The following CKAP5 variants were observed in gnomAD, a reference collection of about 807,000 sequenced individuals.
CKAP5 encodes the protein cytoskeleton associated protein 5, also known as cytoskeleton-associated protein 5.
In CKAP5, 27 loss-of-function variants were observed where a neutral mutation model predicts 232.8. That is an observed-to-expected ratio of 0.12 (90% CI 0.09 to 0.16). CKAP5 has a LOEUF of 0.16. Among genes scored for constraint, CKAP5 ranks in the 10% least tolerant of loss-of-function variants. The probability of loss-of-function intolerance (pLI) is 1.00; values close to 1 mark genes in which losing one functional copy is unlikely to be tolerated. For synonymous variants in CKAP5, 785 were observed against 841.1 expected, an observed-to-expected ratio of 0.93 and a Z score of 1.16; for missense variants, 1,838 against 2,424.7, an observed-to-expected ratio of 0.76 and a Z score of 5.08.
chr11:46,801,772 C>A (rs1427850049), intron 8 of CKAP5, among the ~76,000 whole-genome samples: 1 of 152,074 alleles, frequency 6.6e-6, no homozygotes, highest in African/African-American at 2.4e-5. Context: ...AATTTGGGAG[C>A]TTCCCTTCAT....
At chr11:46,825,753 T>TA (rs201623764) in intron 1 of CKAP5, among the ~76,000 whole-genome samples, 14,995 of 132,634 alleles carry the variant, frequency 0.11, 868 homozygotes, top group Middle Eastern at 0.16. Flanking sequence ...GATAGGCTCA[T>TA]AAAAAAAAAA....
intron 13 of CKAP5, among the ~76,000 whole-genome samples, chr11:46,791,673 C>T (rs1938727192): frequency 1.3e-5 from 2 of 151,896 alleles, no homozygotes; most frequent in African/African-American, 4.8e-5. Context: ...GACCCTGTCT[C>T]AAAATAAATA....
intron 1 of CKAP5, among the ~76,000 whole-genome samples, chr11:46,831,941 T>C (rs1565758130): frequency 6.8e-6 from 1 of 147,314 alleles, no homozygotes; most frequent in Admixed American, 7.0e-5. Context: ...CATGGCTCAC[T>C]GCAGCCTCGA....
At chr11:46,763,243 C>T in intron 29 of CKAP5, 64 bp from the exon 30 acceptor site, 2 of 1,323,116 alleles carry the variant, frequency 1.5e-6, no homozygotes, top group Non-Finnish European at 2.1e-6. Flanking sequence ...TTCTACTAGG[C>T]AAGTGTCTTT....
chr11:46,827,942 C>T (rs1414823601), intron 1 of CKAP5, among the ~76,000 whole-genome samples: 2 of 152,122 alleles, frequency 1.3e-5, no homozygotes, highest in African/African-American at 4.8e-5. Context: ...TTTTGTGTCT[C>T]CCATCATACC....
chr11:46,747,244 A>G (rs2065029094), intron 42 of CKAP5, among the ~76,000 whole-genome samples: 1 of 152,132 alleles, frequency 6.6e-6, no homozygotes, highest in Non-Finnish European at 1.5e-5. Context: ...AATAAATACT[A>G]CATTATATAG....
At chr11:46,820,899 T>C in intron 2 of CKAP5, 1 of 371,448 alleles carries the variant, frequency 2.7e-6, no homozygotes, top group Non-Finnish European at 4.9e-6. Flanking sequence ...TTGTACTGTA[T>C]ATACAAGGAG....
chr11:46,837,322 T>C (rs994545450), intron 1 of CKAP5, among the ~76,000 whole-genome samples: 6 of 151,270 alleles, frequency 4.0e-5, no homozygotes, highest in African/African-American at 1.5e-4. Flanking sequence ...GGAACTCATG[T>C]TTTTCCCCCC....
chr11:46,754,006 GT>G (rs962091128), intron 36 of CKAP5, among the ~76,000 whole-genome samples: 7 of 147,096 alleles, frequency 4.8e-5, no homozygotes, highest in Non-Finnish European at 1.1e-4. Flanking sequence ...GAAATTTTTT[GT>G]TTTTTTTTTG....
At chr11:46,809,596 G>C (rs1939231580) in intron 6 of CKAP5, 96 bp from the exon 7 acceptor site, 2 of 1,313,566 alleles carry the variant, frequency 1.5e-6, no homozygotes, top group African/African-American at 1.5e-5. Flanking sequence ...AATTTTAATA[G>C]AGAAGGGACC....
rs1400223497 is a variant in CKAP5, at chr11:46,788,785, A to G, written c.1876-12T>C. The stretch of plus-strand genomic sequence containing the variant: ...ATTAGCTCAACAGCCTTGAAGTAAA[A>G]TAAGAGAATAAGAGTTTAAGGGTTA... On this transcript the variant is annotated splice_polypyrimidine_tract_variant and intron_variant, in intron 15 of 43. Transcript: ENST00000529230. 4 of 1,560,084 alleles carry G rather than the reference A, an allele frequency of 2.6e-6. No individual in the cohort carries two copies. Among genetic ancestry groups the G allele is most frequent in the African/African-American group, 2.7e-5 (2 of 72,994 alleles).
At chr11:46,844,415 AAAAC>A (rs530778276) in intron 1 of CKAP5, among the ~76,000 whole-genome samples, 175 of 152,262 alleles carry the variant, frequency 1.1e-3, no homozygotes, top group Non-Finnish European at 2.1e-3. Context: ...GTGAAGGTAA[AAAAC>A]AAACAAACAA....
chr11:46,799,163 A>ATT (rs375825418), intron 9 of CKAP5, among the ~76,000 whole-genome samples: 1 of 147,166 alleles, frequency 6.8e-6, no homozygotes. Context: ...CACACCTGCT[A>ATT]TTTTTTTTTT....
At chr11:46,780,389 G>C (rs1220781517) in intron 19 of CKAP5, 39 bp downstream of exon 19, 47 of 1,613,334 alleles carry the variant, frequency 2.9e-5, no homozygotes, top group Non-Finnish European at 4.0e-5. Flanking sequence ...AATCCACAAA[G>C]ATGGCAATAC....
chr11:46,743,943 C>A lies in CKAP5; in HGVS notation c.*80G>T. The stretch of plus-strand genomic sequence containing the variant: ...ATACAACCAGTTTGTATACACTAGG[C>A]CTGCTGAGGCCATTTTAAACTATGA... On this transcript the variant is annotated 3_prime_UTR_variant, in exon 44 of 44. Coordinates refer to ENST00000529230, the MANE Select transcript of CKAP5 (RefSeq NM_001008938.4). 6.4e-7 allele frequency: 1 copy of A among 1,574,558 alleles called. No individual in the cohort carries two copies. The highest frequency in any genetic ancestry group is 8.7e-7 in the Non-Finnish European group (1 of 1,151,084).
chr11:46,799,940 G>A (rs773595645), intron 9 of CKAP5, among the ~76,000 whole-genome samples: 1 of 152,028 alleles, frequency 6.6e-6, no homozygotes, highest in Non-Finnish European at 1.5e-5. Context: ...GGTTAAGGCT[G>A]CAGTGAACTG....
At chr11:46,762,948 G>A in intron 30 of CKAP5, 28 bp downstream of exon 30, 1 of 1,575,894 alleles carries the variant, frequency 6.3e-7, no homozygotes, top group Non-Finnish European at 8.7e-7. Context: ...AACTTAAGCA[G>A]TCTCCCAGAG....
chr11:46,819,893 T>C (rs921626844), intron 2 of CKAP5, among the ~76,000 whole-genome samples: 2 of 152,136 alleles, frequency 1.3e-5, no homozygotes, highest in Non-Finnish European at 2.9e-5. Context: ...TTTTATTTTT[T>C]AAAATTGGGC....
At chr11:46,827,172 C>A (rs1439302811) in intron 1 of CKAP5, among the ~76,000 whole-genome samples, 1 of 152,104 alleles carries the variant, frequency 6.6e-6, no homozygotes, top group Non-Finnish European at 1.5e-5. Context: ...AATCCCTCCT[C>A]CAAGGGTGAA....
Sources: allele counts gnomAD v4.1 joint callset (sites outside exome capture counted in the v4.1 genomes callset), GRCh38; gene constraint gnomAD v4.1.1; transcripts MANE v1.5; gene names NCBI Gene and HGNC (gene_info 2026-07-23, HGNC 2026-07-21).